CDIN1: variants seen among roughly 807,000 people sequenced by gnomAD.
CDIN1 encodes the protein CDAN1-interacting nuclease 1.
CDIN1 carries 33 observed loss-of-function variants against 45.3 expected under a neutral mutation model. The observed-to-expected ratio is 0.73, with a 90% confidence interval of 0.55 to 0.97. The LOEUF (loss-of-function observed/expected upper bound fraction) is 0.97, where lower values mean the gene tolerates loss of function less well. CDIN1 is among the 50% of genes least tolerant of loss of function. The pLI, the probability that CDIN1 is intolerant of heterozygous loss-of-function variation, is 0.00. For missense variants in CDIN1, 303 were observed against 339.4 expected (o/e 0.89, Z 0.84); for synonymous variants, 118 against 124.4 (o/e 0.95, Z 0.34).
At chr15:36,714,291 T>G (rs1330922489) in intron 10 of CDIN1, among the ~76,000 whole-genome samples, 1 of 152,184 alleles carries the variant, frequency 6.6e-6, no homozygotes, top group Non-Finnish European at 1.5e-5. Context: ...ATGCACTTTA[T>G]AAAGGTTTTT....
chr15:36,617,334 T>TA (rs2038943493), intron 1 of CDIN1: 1 of 1,480,284 alleles, frequency 6.8e-7, no homozygotes, highest in South Asian at 1.1e-5. Flanking sequence ...CAAGAAATAC[T>TA]ACAGGCATTG....
At chr15:36,610,942 G>A (rs1201672470) in intron 1 of CDIN1, among the ~76,000 whole-genome samples, 4 of 152,304 alleles carry the variant, frequency 2.6e-5, no homozygotes, top group African/African-American at 7.2e-5. Flanking sequence ...AGGTGTTATA[G>A]CATCTGTTCT....
intron 1 of CDIN1, among the ~76,000 whole-genome samples, chr15:36,595,624 G>GT (rs11388489): frequency 0.21 from 31,842 of 151,974 alleles, 3,413 homozygotes; most frequent in South Asian, 0.34. Flanking sequence ...TTTTAATCGA[G>GT]CCTGCAAAAT....
At position 36,645,207 on chromosome 15, in the gene CDIN1, G is replaced by GT. The variant is rs755430500; in HGVS notation, c.148-8dup. 157 of 1,529,820 alleles carry GT rather than the reference G, an allele frequency of 1.0e-4. No homozygotes were observed. The highest frequency in any genetic ancestry group is 1.2e-4 in the Non-Finnish European group (133 of 1,131,698). 94.8% of individuals were successfully genotyped at this position (1,529,820 alleles called of 1,614,324 possible). A position where few individuals can be genotyped will look rare whatever the true frequency, so the allele number is the denominator to read the frequency against. ...ATATCAAAGATTTTTTTGTGTTGTT[G>GT]TTTTTTTTCTTTCAGAAACACATTA... is the stretch of plus-strand genomic sequence containing the variant. On this transcript the variant is annotated splice_polypyrimidine_tract_variant and intron_variant, in intron 2 of 10. Coordinates refer to ENST00000566621, the MANE Select transcript of CDIN1 (RefSeq NM_001321759.2).
At chr15:36,616,046 C>T (rs530392839) in intron 1 of CDIN1, among the ~76,000 whole-genome samples, 2 of 152,250 alleles carry the variant, frequency 1.3e-5, no homozygotes, top group Admixed American at 6.5e-5. Flanking sequence ...GATGTGTGTA[C>T]AGAAAAACAT....
intron 1 of CDIN1, chr15:36,617,732 G>A: frequency 1.3e-6 from 1 of 798,420 alleles, no homozygotes; most frequent in Admixed American, 1.7e-5. Context: ...TAGAGGAAGT[G>A]AAAGCTTTGT....
At chr15:36,637,013 C>T (rs2039926328) in intron 1 of CDIN1, among the ~76,000 whole-genome samples, 1 of 152,088 alleles carries the variant, frequency 6.6e-6, no homozygotes, top group South Asian at 2.1e-4. Context: ...TAGATTTAAA[C>T]CTGAATATAT....
In CDIN1 at chr15:36,737,341, G is replaced by A. The variant is rs571595833; in HGVS notation, c.716+27380G>A. Among the ~76,000 whole-genome samples, 27 of 152,092 alleles carry A rather than the reference G, an allele frequency of 1.8e-4. No individual in the cohort carries two copies. The East Asian group carries it at 5.0e-3, about 28-fold the overall frequency. ...ATCTAGACTATAGGTAACAAATATT[G>A]CATTTGAGGCTAAAGTTATGTTAGG... On this transcript the variant is annotated intron_variant, in intron 10 of 10. Transcript: ENST00000566621.
chr15:36,740,304 G>C (rs942691993), intron 10 of CDIN1, among the ~76,000 whole-genome samples: 8 of 152,086 alleles, frequency 5.3e-5, no homozygotes, highest in Admixed American at 2.6e-4. Flanking sequence ...AGGTAGATGT[G>C]GGGGGTGGGG....
intron 1 of CDIN1, among the ~76,000 whole-genome samples, chr15:36,619,507 CTAT>C (rs2039060526): frequency 1.3e-5 from 2 of 151,696 alleles, no homozygotes; most frequent in Admixed American, 6.6e-5. Context: ...ATCTATCTAT[CTAT>C]CTATCTATCC....
chr15:36,704,117 G>A (rs1014782550), intron 8 of CDIN1, among the ~76,000 whole-genome samples: 1 of 151,960 alleles, frequency 6.6e-6, no homozygotes, highest in Non-Finnish European at 1.5e-5. Context: ...GCTCATATTC[G>A]TGTCCTCTGC....
intron 5 of CDIN1, among the ~76,000 whole-genome samples, chr15:36,662,910 CATCCAAA>C (rs566105965): frequency 1.6e-4 from 22 of 138,400 alleles, no homozygotes; most frequent in East Asian, 4.4e-4. Flanking sequence ...ACTGGATGAG[CATCCAAA>C]ATCCAAAATC....
chr15:36,620,453 T>G (rs971221827), intron 1 of CDIN1, among the ~76,000 whole-genome samples: 3 of 152,174 alleles, frequency 2.0e-5, no homozygotes, highest in African/African-American at 7.2e-5. Context: ...TCCCTGTGAT[T>G]CCCCCTGCTA....
rs530611619 is a variant in CDIN1 at position 36,686,676 on chromosome 15, T to G, written c.347-5009T>G. ...AGGTGAATCACTTGAGCCCAGGAGTTTGAGACCAGCCTGGCAACATAGTGA... is the reference window on the plus strand; with the variant it reads ...AGGTGAATCACTTGAGCCCAGGAGTGTGAGACCAGCCTGGCAACATAGTGA... On this transcript the variant is annotated intron_variant, in intron 5 of 10. Coordinates refer to ENST00000566621, the MANE Select transcript of CDIN1 (RefSeq NM_001321759.2). 4.0e-5 allele frequency among the ~76,000 whole-genome samples: 6 copies of G among 150,790 alleles called. No individual in the cohort carries two copies. In the South Asian group the frequency reaches 1.3e-3, roughly 32 times the overall value.
rs1022151560 is a variant in CDIN1 at position 36,579,631 on chromosome 15, G to T, written c.-230G>T. ...TCAGTAAGCCAAGCTAGGGCACTCT[G>T]GTGTACAGCCAGTCCCCGCCGCGGA... is the stretch of plus-strand genomic sequence containing the variant. On this transcript the variant is annotated 5_prime_UTR_variant, in exon 1 of 11. Coordinates refer to ENST00000566621, the MANE Select transcript of CDIN1 (RefSeq NM_001321759.2). 2.2e-5 allele frequency: 11 copies of T among 496,722 alleles called. No individual in the cohort carries two copies. The highest frequency in any genetic ancestry group is 2.1e-4 in the African/African-American group (11 of 51,576). 30.8% of individuals were successfully genotyped at this position (496,722 alleles called of 1,614,324 possible). A position where few individuals can be genotyped will look rare whatever the true frequency, so the allele number is the denominator to read the frequency against.
At chr15:36,655,616 C>T (rs996503219) in intron 4 of CDIN1, among the ~76,000 whole-genome samples, 9 of 152,158 alleles carry the variant, frequency 5.9e-5, no homozygotes, top group African/African-American at 1.4e-4. Context: ...TGAGCCACCA[C>T]GCCCGGCCAG....
chr15:36,618,917 C>T, intron 1 of CDIN1: 2 of 1,391,418 alleles, frequency 1.4e-6, no homozygotes, highest in Non-Finnish European at 2.0e-6. Context: ...TGTAGCTACA[C>T]CGTGACTCTA....
At chr15:36,660,645 C>T (rs1220254133) in intron 5 of CDIN1, among the ~76,000 whole-genome samples, 1 of 152,096 alleles carries the variant, frequency 6.6e-6, no homozygotes, top group Non-Finnish European at 1.5e-5. Flanking sequence ...ACCTGAGTGG[C>T]TCTTGTGATG....
intron 1 of CDIN1, among the ~76,000 whole-genome samples, chr15:36,623,160 C>G (rs760251555): frequency 7.9e-5 from 12 of 151,980 alleles, no homozygotes; most frequent in Non-Finnish European, 1.5e-4. Flanking sequence ...TAGTGAAACT[C>G]AGTCACATTT....
Sources: allele counts gnomAD v4.1 joint callset (sites outside exome capture counted in the v4.1 genomes callset), GRCh38; gene constraint gnomAD v4.1.1; transcripts MANE v1.5; gene names NCBI Gene and HGNC (gene_info 2026-07-23, HGNC 2026-07-21).